POM121: variants seen among roughly 807,000 people sequenced by gnomAD.
POM121 encodes the protein nuclear envelope pore membrane protein POM 121.
A neutral mutation model predicts 81.3 loss-of-function variants in POM121; 32 were observed. The ratio of observed to expected loss-of-function variants is 0.39; its 90% confidence interval spans 0.30 to 0.53. The LOEUF is 0.53. Among genes scored for constraint, POM121 ranks in the 20% least tolerant of loss-of-function variants. The probability of loss-of-function intolerance (pLI) is 0.66; values close to 1 mark genes in which losing one functional copy is unlikely to be tolerated. For synonymous variants in POM121, 514 were observed against 694.2 expected, an observed-to-expected ratio of 0.74 and a Z score of 4.08; for missense variants, 1,138 against 1,614.6, an observed-to-expected ratio of 0.70 and a Z score of 5.06.
At chr7:72,915,776 G>C (rs1237260804) in intron 4 of POM121, among the ~76,000 whole-genome samples, 1 of 152,194 alleles carries the variant, frequency 6.6e-6, no homozygotes, top group Admixed American at 6.5e-5. Flanking sequence ...GGGTTCAAGA[G>C]ATTCTCCTGC....
Position 72,926,825 on chromosome 7 carries a change from C to A in POM121, c.884C>A (p.Thr295Lys). Residue 295 changes from threonine to lysine, a missense_variant, in exon 3 of 13, where the codon ACA becomes AAA. Around this residue, in one of 7 missense-constraint regions of POM121, gnomAD observed 646 missense variants for 633.5 expected, o/e 1.02. Coordinates refer to ENST00000434423, the MANE Select transcript of POM121 (RefSeq NM_001387691.1). ...SAIPEQIISS[T>K]LSSPSSNAPD... ...AGACCAGAGCAGATAATCAGCTCAA[C>A]ACTGTCCTCACCATCAAGTAACGCC... is the stretch of plus-strand genomic sequence containing the variant. 6.2e-7 allele frequency: 1 copy of A among 1,613,970 alleles called. No individual in the cohort carries two copies. Among genetic ancestry groups the A allele is most frequent in the Non-Finnish European group, 8.5e-7 (1 of 1,179,864 alleles).
Position 72,887,580 on chromosome 7 carries a change from A to T in POM121, c.-520-3047A>T, listed in dbSNP as rs1790849977. Among the ~76,000 whole-genome samples the T allele has an allele frequency of 2.6e-5, 4 of 152,164 alleles. No individual in the cohort carries two copies. In the South Asian group the frequency reaches 8.3e-4, roughly 32 times the overall value. Reference sequence around the variant, plus strand: ...GGCTTATACCTGTAATCACAGCAACAACAACAACAAGGCTAAGGCGGGCAG... The same window carrying T: ...GGCTTATACCTGTAATCACAGCAACTACAACAACAAGGCTAAGGCGGGCAG... On this transcript the variant is annotated intron_variant, in intron 1 of 15. Coordinates refer to the POM121 transcript ENST00000395270.
intron 3 of POM121, among the ~76,000 whole-genome samples, chr7:72,913,174 G>C (rs2129576477): frequency 6.6e-6 from 1 of 152,340 alleles, no homozygotes; most frequent in Non-Finnish European, 1.5e-5. Flanking sequence ...GAGAAAATCA[G>C]CTCCATCATG....
upstream of POM121, chr7:72,925,034 G>C (rs1554496723): frequency 7.5e-7 from 1 of 1,332,428 alleles, no homozygotes; most frequent in Non-Finnish European, 9.5e-7. Flanking sequence ...GGAGTCGCGC[G>C]CGCATGACGT....
intron 5 of POM121, among the ~76,000 whole-genome samples, chr7:72,937,253 CAA>C (rs1378659581): frequency 7.7e-6 from 1 of 130,358 alleles, no homozygotes; most frequent in Admixed American, 7.6e-5. Context: ...GGCTCCGTCT[CAA>C]AAAAAAAAAA....
intron 5 of POM121, among the ~76,000 whole-genome samples, chr7:72,933,720 G>T (rs1292582802): frequency 6.6e-6 from 1 of 152,212 alleles, no homozygotes; most frequent in Non-Finnish European, 1.5e-5. Context: ...CCTTTAGGAA[G>T]TTATCCTACA....
At chr7:72,921,389 C>T (rs1270860481), upstream of POM121, among the ~76,000 whole-genome samples, 2 of 152,066 alleles carry the variant, frequency 1.3e-5, no homozygotes, top group Admixed American at 1.3e-4. Flanking sequence ...TTGCATAGTG[C>T]CCTCCTTTCT....
intron 4 of POM121, among the ~76,000 whole-genome samples, chr7:72,919,632 G>A (rs1794617464): frequency 6.6e-6 from 1 of 152,006 alleles, no homozygotes; most frequent in African/African-American, 2.4e-5. Context: ...CCAGGCGTGT[G>A]CCACTATGCT....
intron 5 of POM121, among the ~76,000 whole-genome samples, chr7:72,937,681 G>A (rs1482454015): frequency 6.6e-6 from 1 of 152,284 alleles, no homozygotes; most frequent in East Asian, 1.9e-4. Context: ...TAGGAAAGAC[G>A]GTCTGAGGTG....
At chr7:72,920,345 CT>C (rs781909518), upstream of POM121, among the ~76,000 whole-genome samples, 1,197 of 112,402 alleles carry the variant, frequency 0.011, 13 homozygotes, top group African/African-American at 0.036. Flanking sequence ...GAGTAATGGT[CT>C]TTTTTTTTTT....
chr7:72,945,368 G>A (rs1302160646), intron 11 of POM121, among the ~76,000 whole-genome samples: 4 of 151,748 alleles, frequency 2.6e-5, no homozygotes, highest in African/African-American at 9.6e-5. Context: ...TCTCTGCCCT[G>A]GCGTGGCCAT....
upstream of POM121, among the ~76,000 whole-genome samples, chr7:72,920,383 C>G (rs1423978321): frequency 7.7e-6 from 1 of 130,596 alleles, no homozygotes; most frequent in Non-Finnish European, 1.6e-5. Flanking sequence ...GAGTCTGGCT[C>G]TGTCACCCAG....
intron 3 of POM121, among the ~76,000 whole-genome samples, chr7:72,897,260 G>A (rs1384385421): frequency 2.0e-5 from 3 of 152,158 alleles, no homozygotes; most frequent in East Asian, 1.9e-4. Flanking sequence ...TTTATAAGGT[G>A]GTTGAGAAAG....
At chr7:72,895,141 C>A (rs1791812775) in intron 3 of POM121, among the ~76,000 whole-genome samples, 1 of 152,202 alleles carries the variant, frequency 6.6e-6, no homozygotes, top group African/African-American at 2.4e-5. Flanking sequence ...CTGTTCTGGA[C>A]ACACTTGGAG....
chr7:72,894,342 C>T (rs1274237401), intron 3 of POM121, among the ~76,000 whole-genome samples: 1 of 152,074 alleles, frequency 6.6e-6, no homozygotes, highest in Non-Finnish European at 1.5e-5. Flanking sequence ...CTTTGGGAGA[C>T]CAAGGTGGGT....
At position 72,942,882 on chromosome 7, in the gene POM121, T is replaced by C. The variant is rs781911878; in HGVS notation, c.2889T>C (p.Tyr963=). 1.3e-6 allele frequency: 2 copies of C among 1,597,398 alleles called. No individual in the cohort carries two copies. Among genetic ancestry groups the C allele is most frequent in the Non-Finnish European group, 1.7e-6 (2 of 1,172,930 alleles). Residue 963 remains tyrosine (Y), a synonymous_variant, in exon 11 of 13, where the codon TAT becomes TAC. Coordinates refer to ENST00000434423, the MANE Select transcript of POM121 (RefSeq NM_001387691.1). ...GSSAKSPLPS[Y]PGANPQPAFG... The stretch of plus-strand genomic sequence containing the variant: ...GCGCCAAGTCCCCGCTCCCATCATA[T>C]CCGGGAGCCAACCCCCAGCCCGCAT...
At chr7:72,924,903 CG>C, upstream of POM121, 1 of 741,450 alleles carries the variant, frequency 1.3e-6, no homozygotes, top group Non-Finnish European at 1.9e-6. Flanking sequence ...GGATCGCCTC[CG>C]GATGGATGTG....
rs571637838 is a variant in POM121 at position 72,929,917 on chromosome 7, C to T, written c.1104-23C>T. ...AAGAATTTTGCCTTCAATAAAGCAT[C>T]TAACTGTCTTCTCTTTTATTAGGCC... On this transcript the variant is annotated intron_variant, in intron 4 of 12. Transcript: ENST00000434423. 1.9e-6 allele frequency: 3 copies of T among 1,562,694 alleles called. No homozygotes were observed. The African/African-American group carries it at 4.2e-5, about 22-fold the overall frequency.
At position 72,925,183 on chromosome 7, in the gene POM121, G is replaced by A. The variant is rs1795256930; in HGVS notation, c.62G>A (p.Arg21Lys). 1.3e-6 allele frequency: 2 copies of A among 1,516,134 alleles called. No homozygotes were observed. The highest frequency in any genetic ancestry group is 1.2e-5 in the South Asian group (1 of 82,118). The allele number at this position is 1,516,134 out of a possible 1,614,324, so 93.9% of individuals were successfully genotyped here. ...CGGCGGCGGCCCATAGCGAGTGTCAGGGACGGCCGGGGCCGGGGCTGCGGC... is the reference window on the plus strand; with the variant it reads ...CGGCGGCGGCCCATAGCGAGTGTCAAGGACGGCCGGGGCCGGGGCTGCGGC... Reference protein sequence around the residue: ...GERRRPIASVRDGRGRGCGGP... With the variant: ...GERRRPIASVKDGRGRGCGGP... The change falls in exon 1 of 13, where the codon AGG becomes AAG. Residue 21 changes from arginine to lysine, a missense_variant. Coordinates refer to ENST00000434423, the MANE Select transcript of POM121 (RefSeq NM_001387691.1).
Sources: allele counts gnomAD v4.1 joint callset (sites outside exome capture counted in the v4.1 genomes callset), GRCh38; gene constraint gnomAD v4.1.1; regional missense constraint gnomAD v4.1.1; transcripts MANE v1.5; gene names NCBI Gene and HGNC (gene_info 2026-07-23, HGNC 2026-07-21).